AP1G1: variants seen among roughly 807,000 people sequenced by gnomAD.
The protein encoded by AP1G1 is adaptor related protein complex 1 subunit gamma 1, also known as AP-1 complex subunit gamma-1.
Under a neutral mutation model 108.3 loss-of-function variants are expected in AP1G1, and 7 were observed. The ratio of observed to expected loss-of-function variants is 0.06; its 90% CI spans 0.04 to 0.12. AP1G1 has a LOEUF of 0.12. Ranked by LOEUF, AP1G1 falls within the 10% of genes least tolerant of loss-of-function variation. The pLI, the probability that AP1G1 is intolerant of heterozygous loss-of-function variation, is 1.00. For synonymous variants in AP1G1, 379 were observed against 353.5 expected (o/e 1.07, Z -0.81); for missense variants, 756 against 1,010.7 (o/e 0.75, Z 3.42).
rs754388627 is a variant in AP1G1, at chr16:71,746,600, T to C, written c.1718A>G (p.Tyr573Cys). The C allele has an allele frequency of 3.8e-5, 61 of 1,607,364 alleles. No homozygotes were observed. Among genetic ancestry groups the C allele is most frequent in the Admixed American group, 3.4e-5 (2 of 59,612 alleles). Residue 573 changes from tyrosine to cysteine, a missense_variant, in exon 17 of 23, where the codon TAT becomes TGT. Around this residue, in one of 3 missense-constraint regions of AP1G1, gnomAD observed 357 missense variants for 366.5 expected, o/e 0.97. Coordinates refer to ENST00000299980, the MANE Select transcript of AP1G1 (RefSeq NM_001128.6). ...TTCTTTCGCTCACCTCATGTGGTCA[T>C]ATTTCTTGAAAAGTGCATTATATTC... is the stretch of plus-strand genomic sequence containing the variant. ...AVEYNALFKK[Y>C]DHMRSALLER...
intron 17 of AP1G1, among the ~76,000 whole-genome samples, chr16:71,746,033 CAG>C (rs2030157822): frequency 6.6e-6 from 1 of 150,784 alleles, no homozygotes; most frequent in South Asian, 2.1e-4. Flanking sequence ...TTTTTTGAGA[CAG>C]AGTCTTGCTC....
At chr16:71,749,614 T>C (rs2030377959) in intron 15 of AP1G1, among the ~76,000 whole-genome samples, 1 of 152,134 alleles carries the variant, frequency 6.6e-6, no homozygotes, top group African/African-American at 2.4e-5. Context: ...AGACAGGGTC[T>C]CACTCCTGAG....
intron 1 of AP1G1, among the ~76,000 whole-genome samples, chr16:71,798,626 G>C (rs1374376459): frequency 1.3e-5 from 2 of 151,812 alleles, no homozygotes; most frequent in Admixed American, 1.3e-4. Context: ...GGTGGCTCAC[G>C]CCTGTAATCC....
In AP1G1 at chr16:71,777,106, CAAAAAAAAAAA is replaced by C. The variant is rs57955419; in HGVS notation, c.202-2525_202-2515del. Among the ~76,000 whole-genome samples, 80 of 48,076 alleles carry C rather than the reference CAAAAAAAAAAA, an allele frequency of 1.7e-3. 1 individual carries two copies. The highest frequency in any genetic ancestry group is 5.7e-3 in the East Asian group (5 of 876). The allele number at this position is 48,076 out of a possible 152,430, so 31.5% of individuals were successfully genotyped here. On this transcript the variant is annotated intron_variant, in intron 2 of 22. Coordinates refer to ENST00000299980, the MANE Select transcript of AP1G1 (RefSeq NM_001128.6). The stretch of plus-strand genomic sequence containing the variant: ...GCCTAGGAAAACAGCCAAACTGTTA[CAAAAAAAAAAA>C]AAAAAAAAAAAAAAAAACTATACCA...
At position 71,771,251 on chromosome 16, in the gene AP1G1, G is replaced by A; in HGVS notation, c.470C>T (p.Ala157Val). ...GATGACATGAACAGCACACAGTGCTGCCTATGAAAAAAAAAATAAAAGAAC... is the reference window on the plus strand; with the variant it reads ...GATGACATGAACAGCACACAGTGCTACCTATGAAAAAAAAAATAAAAGAAC... ...KTSNSYLRKK[A>V]ALCAVHVIRK... is the part of the protein sequence containing the mutation. The change falls in exon 5 of 23, where the codon GCA becomes GTA. Residue 157 changes from alanine (A) to valine (V), a missense_variant and splice_region_variant. By Grantham distance (64) the Ala-to-Val change is moderately conservative (BLOSUM62 0). Transcript: ENST00000299980. The A allele has an allele frequency of 2.6e-6, 4 of 1,529,416 alleles. No homozygotes were observed. The highest frequency in any genetic ancestry group is 3.5e-6 in the Non-Finnish European group (4 of 1,138,374). The allele number at this position is 1,529,416 out of a possible 1,614,324, so 94.7% of individuals were successfully genotyped here.
rs767136204 is a variant in AP1G1 at position 71,748,311 on chromosome 16, G to C, written c.1565C>G (p.Thr522Arg). ...AATGGCAGTGAGGGCATAACCTCGT[G>C]TCACAGAGGTGGACATATTAGAGAT... is the stretch of plus-strand genomic sequence containing the variant. ...VLISNMSTSV[T>R]RGYALTAIMK... is the part of the protein sequence containing the mutation. Residue 522 changes from threonine (T) to arginine (R), a missense_variant, in exon 16 of 23, where the codon ACA (threonine) becomes AGA (arginine). Physicochemically the swap from Thr to Arg is moderately conservative, Grantham distance 71. Transcript: ENST00000299980. The C allele has an allele frequency of 6.2e-7, 1 of 1,613,300 alleles. No individual in the cohort carries two copies. The highest frequency in any genetic ancestry group is 8.5e-7 in the Non-Finnish European group (1 of 1,179,276).
intron 10 of AP1G1, among the ~76,000 whole-genome samples, chr16:71,760,445 T>A (rs1372866054): frequency 6.7e-6 from 1 of 149,940 alleles, no homozygotes; most frequent in Non-Finnish European, 1.5e-5. Context: ...CTCGGGAGGG[T>A]GAGGCAAGAG....
chr16:71,749,419 G>C (rs190400519), intron 15 of AP1G1, among the ~76,000 whole-genome samples: 1 of 151,774 alleles, frequency 6.6e-6, no homozygotes, highest in East Asian at 2.0e-4. Flanking sequence ...AGGAGATCAA[G>C]GCTGCAGTGA....
intron 10 of AP1G1, 71 bp downstream of exon 10, chr16:71,761,441 T>G (rs906781245): frequency 9.1e-7 from 1 of 1,095,358 alleles, no homozygotes; most frequent in African/African-American, 1.6e-5. Flanking sequence ...ATGTATGATC[T>G]TGAGCAGAAT....
intron 2 of AP1G1, chr16:71,777,728 T>G (rs545692200): frequency 2.2e-6 from 1 of 444,696 alleles, no homozygotes; most frequent in Non-Finnish European, 4.7e-6. Context: ...CTCCTCCTCC[T>G]CCACCACTTC....
At chr16:71,780,532 T>C (rs1272506340) in intron 2 of AP1G1, among the ~76,000 whole-genome samples, 1 of 151,208 alleles carries the variant, frequency 6.6e-6, no homozygotes, top group African/African-American at 2.4e-5. Context: ...AGCTTTATGA[T>C]ATGAACAATC....
Position 71,739,248 on chromosome 16 carries a change from T to A in AP1G1, c.2093A>T (p.Asn698Ile). Residue 698 changes from asparagine to isoleucine, a missense_variant, in exon 20 of 23, where the codon AAT becomes ATT. Asn to Ile is a moderately radical substitution (Grantham distance 149, BLOSUM62 -3). Around this residue, in one of 3 missense-constraint regions of AP1G1, gnomAD observed 95 missense variants for 160.5 expected, o/e 0.59. Coordinates refer to ENST00000299980, the MANE Select transcript of AP1G1 (RefSeq NM_001128.6). ...AGTCATCGTACCTGCAGCAATATCA[T>A]TGAAGAGAGGCTGTGATGAAAGCCC... Reference protein sequence around the residue: ...LDGLSSQPLFNDIAAGIPSIT... With the variant: ...LDGLSSQPLFIDIAAGIPSIT... 1 of 1,613,580 alleles carries A rather than the reference T, an allele frequency of 6.2e-7. No individual in the cohort carries two copies. Among genetic ancestry groups the A allele is most frequent in the Non-Finnish European group, 8.5e-7 (1 of 1,179,740 alleles).
chr16:71,805,591 A>G (rs1381746002), intron 1 of AP1G1, among the ~76,000 whole-genome samples: 1 of 152,252 alleles, frequency 6.6e-6, no homozygotes, highest in Non-Finnish European at 1.5e-5. Flanking sequence ...GTCCTGCTAT[A>G]TACACAAAAT....
intron 2 of AP1G1, among the ~76,000 whole-genome samples, chr16:71,775,402 G>A (rs981359541): frequency 9.2e-5 from 14 of 152,220 alleles, no homozygotes; most frequent in African/African-American, 3.4e-4. Context: ...TCAAGTTCTA[G>A]AACAGATCAT....
chr16:71,757,032 A>G (rs927235583), intron 11 of AP1G1, among the ~76,000 whole-genome samples: 1 of 152,224 alleles, frequency 6.6e-6, no homozygotes, highest in African/African-American at 2.4e-5. Flanking sequence ...ATAACTGCCT[A>G]TTCAAAGTTG....
chr16:71,733,771 G>C (rs1597028589), intron 22 of AP1G1, among the ~76,000 whole-genome samples: 1 of 152,170 alleles, frequency 6.6e-6, no homozygotes, highest in South Asian at 2.1e-4. Context: ...TCTCCATTCA[G>C]ATACACTGTT....
intron 1 of AP1G1, among the ~76,000 whole-genome samples, chr16:71,802,698 C>G (rs903221059): frequency 4.0e-5 from 6 of 151,878 alleles, no homozygotes; most frequent in Non-Finnish European, 7.4e-5. Context: ...CCACTGCACT[C>G]CAGCCTGGGT....
intron 1 of AP1G1, among the ~76,000 whole-genome samples, chr16:71,791,924 G>T (rs1395342928): frequency 2.6e-5 from 4 of 151,908 alleles, no homozygotes; most frequent in Admixed American, 6.6e-5. Flanking sequence ...ACCATGCTTG[G>T]CTAATTTTTG....
chr16:71,760,777 G>C (rs1329824251), intron 10 of AP1G1, among the ~76,000 whole-genome samples: 1 of 151,992 alleles, frequency 6.6e-6, no homozygotes, highest in African/African-American at 2.4e-5. Context: ...TCGAACTCCT[G>C]GGATCATGAT....
Sources: gnomAD v4.1 joint callset for allele counts (sites outside exome capture counted in the v4.1 genomes callset) on GRCh38, gnomAD v4.1.1 for gene constraint, gnomAD v4.1.1 regional missense constraint, MANE v1.5 for transcripts, NCBI Gene and HGNC (gene_info 2026-07-23, HGNC 2026-07-21) for gene names.